The following DPP6 variants were observed in gnomAD, a reference collection of about 807,000 sequenced individuals.
DPP6 encodes the protein dipeptidyl peptidase like 6.
In DPP6, 69 loss-of-function variants were observed where a neutral mutation model predicts 122.6. That is an observed-to-expected ratio of 0.56 (90% CI 0.46 to 0.69). DPP6 has a LOEUF of 0.69. Ranked by LOEUF, DPP6 falls within the 30% of genes least tolerant of loss-of-function variation. DPP6 has a pLI of 0.00. For missense variants in DPP6, 928 were observed against 1,116.9 expected, an observed-to-expected ratio of 0.83 and a Z score of 2.41; for synonymous variants, 418 against 433.1, an observed-to-expected ratio of 0.97 and a Z score of 0.43.
intron 10 of DPP6, among the ~76,000 whole-genome samples, chr7:154,774,675 A>G (rs1264805399): frequency 6.6e-6 from 1 of 152,182 alleles, no homozygotes; most frequent in African/African-American, 2.4e-5. Context: ...TCTATCACAC[A>G]TCTTTGAGAG....
chr7:154,538,386 C>T (rs1381515510), intron 3 of DPP6, among the ~76,000 whole-genome samples: 1 of 152,132 alleles, frequency 6.6e-6, no homozygotes, highest in Non-Finnish European at 1.5e-5. Context: ...TCCTGATGCT[C>T]TCCCTCCTCC....
intron 1 of DPP6, among the ~76,000 whole-genome samples, chr7:154,220,385 A>C (rs1800236245): frequency 6.6e-6 from 1 of 152,194 alleles, no homozygotes; most frequent in African/African-American, 2.4e-5. Context: ...TCAGGACACA[A>C]AAAAAGATAC....
Position 154,447,730 on chromosome 7 carries a change from C to T in DPP6, c.358+1402C>T, listed in dbSNP as rs548049601. On this transcript the variant is annotated intron_variant, in intron 2 of 25. Transcript: ENST00000377770. ...ATGTAGAAAGATTATACACCATGAC[C>T]AAATAGGATATATTCCAGGAAAAAC... 7.2e-5 allele frequency among the ~76,000 whole-genome samples: 11 copies of T among 152,102 alleles called. No individual in the cohort carries two copies. The South Asian group carries it at 2.3e-3, about 32-fold the overall frequency.
intron 7 of DPP6, among the ~76,000 whole-genome samples, chr7:154,685,787 A>G (rs948011147): frequency 6.6e-6 from 1 of 152,222 alleles, no homozygotes; most frequent in African/African-American, 2.4e-5. Flanking sequence ...GGTCAATTCA[A>G]CTTAATTCAA....
At chr7:154,314,693 G>C (rs888478349) in intron 1 of DPP6, among the ~76,000 whole-genome samples, 52 of 152,092 alleles carry the variant, frequency 3.4e-4, no homozygotes, top group African/African-American at 1.2e-3. Flanking sequence ...GAGAGGTTGA[G>C]TAAATTACCA....
chr7:154,547,503 C>T (rs970597037), intron 4 of DPP6, among the ~76,000 whole-genome samples: 2 of 152,138 alleles, frequency 1.3e-5, no homozygotes, highest in East Asian at 1.9e-4. Context: ...GGACATGGGC[C>T]GACCAGCCCT....
At chr7:153,831,512 G>C in the DPP6 span, among the ~76,000 whole-genome samples, 1 of 152,126 alleles carries the variant, frequency 6.6e-6, no homozygotes, top group African/African-American at 2.4e-5. Flanking sequence ...TCTATAAAGG[G>C]ACACATAGTT....
rs1415399530 is a variant in DPP6 at position 154,481,344 on chromosome 7, GGGGTGT to G, written c.457+6309_457+6314del. ...CTATACACTTGGAGAGAGAGAGAGA[GGGGTGT>G]GTGTGTGTGTGTGTGTGTGTGTGTC... On this transcript the variant is annotated intron_variant, in intron 3 of 25. Transcript: ENST00000377770. The surrounding 1 kb of genome is among the most constrained non-coding windows in gnomAD (Gnocchi z 4.2). Among the ~76,000 whole-genome samples the G allele has an allele frequency of 9.1e-4, 28 of 30,872 alleles. No individual in the cohort carries two copies. Among genetic ancestry groups the G allele is most frequent in the East Asian group, 1.6e-3 (1 of 628 alleles). 20.3% of individuals were successfully genotyped at this position (30,872 alleles called of 152,430 possible). A position where few individuals can be genotyped will look rare whatever the true frequency, so the allele number is the denominator to read the frequency against.
chr7:154,885,788 C>T (rs370116211), intron 22 of DPP6, 44 bp downstream of exon 22: 9 of 1,551,200 alleles, frequency 5.8e-6, no homozygotes, highest in Non-Finnish European at 6.1e-6. Context: ...TGCTCCCGCC[C>T]CGCCCCGCCC....
chr7:154,098,399 T>C (rs1461902359), intron 1 of DPP6, among the ~76,000 whole-genome samples: 1 of 152,184 alleles, frequency 6.6e-6, no homozygotes, highest in African/African-American at 2.4e-5. Context: ...TTATTAGCTG[T>C]GTGAGAATGG....
intron 1 of DPP6, among the ~76,000 whole-genome samples, chr7:154,422,091 C>A (rs1331167650): frequency 6.6e-6 from 1 of 152,202 alleles, no homozygotes; most frequent in East Asian, 1.9e-4. Context: ...GTTAGTGAAA[C>A]TCAGCAAATG....
chr7:153,897,955 AG>A (rs1235464918), intron 1 of DPP6, among the ~76,000 whole-genome samples: 1 of 152,222 alleles, frequency 6.6e-6, no homozygotes, highest in Non-Finnish European at 1.5e-5. Flanking sequence ...TGTCTCCAAA[AG>A]CTGTGTGGAT....
At chr7:154,656,173 G>T (rs535700227) in intron 6 of DPP6, among the ~76,000 whole-genome samples, 3 of 141,322 alleles carry the variant, frequency 2.1e-5, no homozygotes, top group Admixed American at 7.1e-5. Flanking sequence ...AGAGGGAGGT[G>T]GGGGGAGAGC....
chr7:153,841,801 A>T, the DPP6 span, among the ~76,000 whole-genome samples: 1 of 152,234 alleles, frequency 6.6e-6, no homozygotes, highest in Non-Finnish European at 1.5e-5. Flanking sequence ...ATAACTGATG[A>T]GCTATGCTGA....
At chr7:154,016,941 G>A in intron 1 of DPP6, among the ~76,000 whole-genome samples, 2 of 152,228 alleles carry the variant, frequency 1.3e-5, no homozygotes. Flanking sequence ...GCAAATACCT[G>A]GAGGATGTTA....
chr7:154,796,128 G>A, intron 12 of DPP6: 1 of 529,728 alleles, frequency 1.9e-6, no homozygotes, highest in Non-Finnish European at 3.2e-6. Flanking sequence ...TTCAGAGCGT[G>A]GAATGTTTGG....
intron 1 of DPP6, among the ~76,000 whole-genome samples, chr7:153,916,493 C>T (rs181821010): frequency 6.7e-6 from 1 of 148,794 alleles, no homozygotes; most frequent in African/African-American, 2.5e-5. Context: ...CTCACTGCAA[C>T]CTCTGCCTCC....
chr7:154,002,511 A>T (rs1797733588), intron 1 of DPP6, among the ~76,000 whole-genome samples: 1 of 152,206 alleles, frequency 6.6e-6, no homozygotes. Flanking sequence ...CTGGCCCAAT[A>T]TCTAGGCTAT....
At chr7:153,847,252 T>C in the DPP6 span, among the ~76,000 whole-genome samples, 2 of 152,194 alleles carry the variant, frequency 1.3e-5, no homozygotes, top group Non-Finnish European at 2.9e-5. Context: ...AGCAGCCTAG[T>C]TTATTTTTAT....
Sources: allele counts gnomAD v4.1 joint callset (sites outside exome capture counted in the v4.1 genomes callset), GRCh38; gene constraint gnomAD v4.1.1; non-coding constraint Gnocchi (gnomAD v3.1); transcripts MANE v1.5; gene names NCBI Gene and HGNC (gene_info 2026-07-23, HGNC 2026-07-21).